Variants in IQCJ observed in about 807,000 individuals in gnomAD.
The protein encoded by IQCJ is IQ domain-containing protein J.
A neutral mutation model predicts 11.0 loss-of-function variants in IQCJ; 9 were observed. The ratio of observed to expected loss-of-function variants is 0.82; its 90% CI spans 0.49 to 1.43. The LOEUF is 1.43. IQCJ is among the 40% of genes most tolerant of loss of function. The pLI is 0.00. For synonymous variants in IQCJ, 55 were observed against 51.3 expected, an observed-to-expected ratio of 1.07 and a Z score of -0.31; for missense variants, 146 against 133.2, an observed-to-expected ratio of 1.10 and a Z score of -0.47.
chr3:159,138,945 G>A (rs897202425), intron 1 of IQCJ, among the ~76,000 whole-genome samples: 3 of 152,210 alleles, frequency 2.0e-5, no homozygotes, highest in Non-Finnish European at 4.4e-5. Flanking sequence ...GCCTACAACA[G>A]TGAAATCCTG....
chr3:159,245,451 C>A (rs1727205176), intron 1 of IQCJ, among the ~76,000 whole-genome samples: 2 of 148,238 alleles, frequency 1.3e-5, no homozygotes, highest in African/African-American at 5.0e-5. Flanking sequence ...TCACAAAGTC[C>A]TGAATTCTTT....
At chr3:159,264,668 T>C (rs1255800276), downstream of IQCJ, among the ~76,000 whole-genome samples, 1 of 152,124 alleles carries the variant, frequency 6.6e-6, no homozygotes, top group Non-Finnish European at 1.5e-5. Flanking sequence ...TCCCAGCACT[T>C]TGGGAGGCTG....
intron 1 of IQCJ, among the ~76,000 whole-genome samples, chr3:159,105,089 G>T (rs1718169655): frequency 6.6e-6 from 1 of 152,176 alleles, no homozygotes; most frequent in South Asian, 2.1e-4. Flanking sequence ...AATCCAAGAA[G>T]TTCTTAGTGC....
intron 3 of IQCJ, 141 bp downstream of exon 3, chr3:159,252,948 C>G (rs1727688644): frequency 1.3e-6 from 1 of 782,520 alleles, no homozygotes; most frequent in African/African-American, 1.8e-5. Context: ...CTCTTCTAAG[C>G]AGGAACACAG....
intron 1 of IQCJ, among the ~76,000 whole-genome samples, chr3:159,087,838 T>C (rs1716910490): frequency 1.3e-5 from 2 of 151,708 alleles, no homozygotes; most frequent in Non-Finnish European, 1.5e-5. Context: ...GCTAGTGGTC[T>C]ATCAATTTTG....
At chr3:159,200,104 A>AATAAATATATATATATATATAT (rs1553787480) in intron 1 of IQCJ, among the ~76,000 whole-genome samples, 7 of 116,950 alleles carry the variant, frequency 6.0e-5, no homozygotes, top group East Asian at 2.9e-4. Flanking sequence ...TTTATACATA[A>AATAAATATATATATATATATAT]ATATATATAT....
At chr3:159,155,960 T>C (rs1221647252) in intron 1 of IQCJ, among the ~76,000 whole-genome samples, 3 of 152,216 alleles carry the variant, frequency 2.0e-5, no homozygotes, top group African/African-American at 7.2e-5. Context: ...TAGTGAAATT[T>C]GGCTTTTCTT....
At chr3:159,264,403 G>A (rs775633091), downstream of IQCJ, among the ~76,000 whole-genome samples, 3 of 152,152 alleles carry the variant, frequency 2.0e-5, no homozygotes, top group Non-Finnish European at 2.9e-5. Flanking sequence ...TTCACTAACA[G>A]TTCTACTTTA....
intron 1 of IQCJ, among the ~76,000 whole-genome samples, chr3:159,075,972 G>A (rs754258993): frequency 2.0e-5 from 3 of 152,010 alleles, no homozygotes; most frequent in Admixed American, 6.6e-5. Flanking sequence ...CACCCAGAAG[G>A]CTCTTCTCTG....
chr3:159,131,226 A>C (rs1417110117), intron 1 of IQCJ, among the ~76,000 whole-genome samples: 1 of 152,112 alleles, frequency 6.6e-6, no homozygotes, highest in East Asian at 1.9e-4. Flanking sequence ...CAGTTTCTTG[A>C]CATGTCAAAT....
At chr3:159,138,946 T>G (rs1720447257) in intron 1 of IQCJ, among the ~76,000 whole-genome samples, 1 of 152,216 alleles carries the variant, frequency 6.6e-6, no homozygotes, top group South Asian at 2.1e-4. Context: ...CCTACAACAG[T>G]GAAATCCTGA....
chr3:159,133,451 G>C (rs575809079), intron 1 of IQCJ, among the ~76,000 whole-genome samples: 1 of 152,216 alleles, frequency 6.6e-6, no homozygotes, highest in East Asian at 1.9e-4. Flanking sequence ...AATTAAATGA[G>C]TTTTTGAGCC....
At chr3:159,088,656 C>T (rs1166827161) in intron 1 of IQCJ, among the ~76,000 whole-genome samples, 1 of 152,044 alleles carries the variant, frequency 6.6e-6, no homozygotes, top group African/African-American at 2.4e-5. Context: ...TTGAATTGAT[C>T]CCTTTACCAT....
chr3:159,174,475 G>T (rs4501157), intron 1 of IQCJ, among the ~76,000 whole-genome samples: 103,121 of 151,966 alleles, frequency 0.68, 35,630 homozygotes, highest in African/African-American at 0.81. Flanking sequence ...AAAAATAACA[G>T]TAAAATTTTG....
chr3:159,075,807 G>A (rs1715875075), intron 1 of IQCJ, among the ~76,000 whole-genome samples: 1 of 152,122 alleles, frequency 6.6e-6, no homozygotes, highest in African/African-American at 2.4e-5. Context: ...CTATCTTACA[G>A]ATGAGGAAAA....
At chr3:159,246,412 T>TTG (rs1189006943) in intron 2 of IQCJ, among the ~76,000 whole-genome samples, 7 of 152,204 alleles carry the variant, frequency 4.6e-5, no homozygotes, top group African/African-American at 1.7e-4. Flanking sequence ...AAATTCTGAT[T>TTG]ATAGCCTTTT....
At chr3:159,206,140 A>G (rs75686193) in intron 1 of IQCJ, among the ~76,000 whole-genome samples, 4,979 of 152,152 alleles carry the variant, frequency 0.033, 255 homozygotes, top group African/African-American at 0.11. Flanking sequence ...TTCTTCTTCA[A>G]TTATTCCTTG....
At chr3:159,126,471 T>G (rs1313330505) in intron 1 of IQCJ, among the ~76,000 whole-genome samples, 1 of 152,242 alleles carries the variant, frequency 6.6e-6, no homozygotes, top group Admixed American at 6.5e-5. Context: ...GTCTTTCTTA[T>G]TAGTCATAAA....
intron 1 of IQCJ, among the ~76,000 whole-genome samples, chr3:159,199,168 G>T (rs1242001004): frequency 6.6e-6 from 1 of 152,168 alleles, no homozygotes; most frequent in Non-Finnish European, 1.5e-5. Context: ...TATGTTATAT[G>T]ACCAAACAGA....
Sources: allele counts gnomAD v4.1 joint callset (sites outside exome capture counted in the v4.1 genomes callset), GRCh38; gene constraint gnomAD v4.1.1; transcripts MANE v1.5; gene names NCBI Gene and HGNC (gene_info 2026-07-23, HGNC 2026-07-21).